LIPC: variants seen among roughly 807,000 people sequenced by gnomAD.
LIPC encodes hepatic triacylglycerol lipase.
Under a neutral mutation model 50.7 loss-of-function variants are expected in LIPC, and 44 were observed. The observed-to-expected ratio is 0.87, with a 90% CI of 0.68 to 1.11. The LOEUF (loss-of-function observed/expected upper bound fraction) is 1.11. Among genes scored for constraint, LIPC ranks in the 50% most tolerant of loss-of-function variants. LIPC has a pLI of 0.00. For synonymous variants in LIPC, 271 were observed against 256.4 expected (o/e 1.06, Z -0.54); for missense variants, 697 against 648.2 (o/e 1.08, Z -0.82).
chr15:58,434,320 T>G (rs1227160912), intron 1 of LIPC, among the ~76,000 whole-genome samples: 1 of 152,198 alleles, frequency 6.6e-6, no homozygotes, highest in East Asian at 1.9e-4. Context: ...CCTCCCAGCC[T>G]ACTTCTTTTG....
chr15:58,507,703 A>G (rs1424952419), intron 1 of LIPC, among the ~76,000 whole-genome samples: 1 of 152,202 alleles, frequency 6.6e-6, no homozygotes, highest in African/African-American at 2.4e-5. Flanking sequence ...GGCTAAGGGA[A>G]AGCTTCCCCT....
chr15:58,535,161 G>A (rs1239940425), intron 1 of LIPC, among the ~76,000 whole-genome samples: 1 of 152,164 alleles, frequency 6.6e-6, no homozygotes, highest in Non-Finnish European at 1.5e-5. Flanking sequence ...CCCCTACGCA[G>A]GGCATTCCTC....
At chr15:58,520,939 A>AGAAGGAC (rs1475105108) in intron 1 of LIPC, among the ~76,000 whole-genome samples, 2 of 152,220 alleles carry the variant, frequency 1.3e-5, no homozygotes, top group African/African-American at 4.8e-5. Flanking sequence ...GGGAGGAGGG[A>AGAAGGAC]GAAGGACACT....
At chr15:58,464,260 A>G (rs1894458850) in intron 1 of LIPC, among the ~76,000 whole-genome samples, 1 of 152,070 alleles carries the variant, frequency 6.6e-6, no homozygotes, top group South Asian at 2.1e-4. Flanking sequence ...CTGGTTTCCT[A>G]GGAGCAGTAC....
At chr15:58,530,474 A>G (rs970934719) in intron 1 of LIPC, among the ~76,000 whole-genome samples, 5 of 152,236 alleles carry the variant, frequency 3.3e-5, no homozygotes, top group Non-Finnish European at 4.4e-5. Flanking sequence ...ACTACCACAG[A>G]AGGCCTGCTG....
At chr15:58,491,205 A>C (rs1231555600) in intron 1 of LIPC, among the ~76,000 whole-genome samples, 1 of 152,128 alleles carries the variant, frequency 6.6e-6, no homozygotes, top group African/African-American at 2.4e-5. Flanking sequence ...AGACACTTAG[A>C]CTGGCCTTTC....
intron 1 of LIPC, among the ~76,000 whole-genome samples, chr15:58,496,206 A>T (rs192652482): frequency 6.6e-6 from 1 of 152,148 alleles, no homozygotes; most frequent in Non-Finnish European, 1.5e-5. Context: ...GCTGGAGAAG[A>T]GGATGTTACT....
intron 1 of LIPC, among the ~76,000 whole-genome samples, chr15:58,502,940 G>A (rs1370841808): frequency 2.3e-5 from 3 of 128,806 alleles, no homozygotes; most frequent in Admixed American, 1.8e-4. Flanking sequence ...GGTATTTGAG[G>A]TGCTGAAACA....
intron 1 of LIPC, among the ~76,000 whole-genome samples, chr15:58,484,089 C>T (rs529247847): frequency 2.0e-5 from 3 of 152,232 alleles, no homozygotes; most frequent in African/African-American, 7.2e-5. Context: ...AAAGGTTTGA[C>T]CCTCTGGCTC....
chr15:58,438,759 C>T (rs1026323341), intron 1 of LIPC, among the ~76,000 whole-genome samples: 1 of 152,220 alleles, frequency 6.6e-6, no homozygotes, highest in Non-Finnish European at 1.5e-5. Context: ...ATCTCAGCTG[C>T]TTCGGAGTTC....
chr15:58,550,465 A>T (rs1007542), intron 6 of LIPC, among the ~76,000 whole-genome samples: 1 of 152,190 alleles, frequency 6.6e-6, no homozygotes, highest in Non-Finnish European at 1.5e-5. Context: ...CGACCACCAT[A>T]CACTGCTGAT....
intron 6 of LIPC, among the ~76,000 whole-genome samples, chr15:58,557,070 T>A (rs1357642151): frequency 6.6e-6 from 1 of 152,172 alleles, no homozygotes; most frequent in African/African-American, 2.4e-5. Flanking sequence ...TTAACTGAAA[T>A]CTCTTTCCAC....
rs1198156713 is a variant in LIPC, at chr15:58,548,578, T to G, written c.1051+6T>G. The G allele has an allele frequency of 2.5e-5, 39 of 1,587,728 alleles. No individual in the cohort carries two copies. Among genetic ancestry groups the G allele is most frequent in the Non-Finnish European group, 3.3e-5 (39 of 1,168,334 alleles). On this transcript the variant is annotated splice_donor_region_variant and intron_variant, in intron 6 of 8. Coordinates refer to ENST00000299022, the MANE Select transcript of LIPC (RefSeq NM_000236.3). Reference sequence around the variant, plus strand: ...AGCCCAGTCCCCCTTCAAAGGTGAGTGTGGAGCTGGGGAGCCTTCAGAAGG... The same window carrying G: ...AGCCCAGTCCCCCTTCAAAGGTGAGGGTGGAGCTGGGGAGCCTTCAGAAGG...
At chr15:58,499,131 C>T (rs1973030) in intron 1 of LIPC, among the ~76,000 whole-genome samples, 46,241 of 151,740 alleles carry the variant, frequency 0.3, 7,127 homozygotes, top group Admixed American at 0.39. Context: ...TGGGGCAGGG[C>T]GAGAACACCA....
intron 8 of LIPC, among the ~76,000 whole-genome samples, chr15:58,567,319 A>ATGTGTGTG (rs745783290): frequency 1.2e-5 from 1 of 80,388 alleles, no homozygotes; most frequent in East Asian, 8.5e-4. Flanking sequence ...ATATATGTAT[A>ATGTGTGTG]TGTGTATATA....
At chr15:58,523,684 C>T (rs931388189) in intron 1 of LIPC, among the ~76,000 whole-genome samples, 6 of 151,958 alleles carry the variant, frequency 3.9e-5, no homozygotes, top group African/African-American at 1.5e-4. Flanking sequence ...TTTGGGAGCC[C>T]GAGGCAGGAG....
intron 1 of LIPC, among the ~76,000 whole-genome samples, chr15:58,472,624 C>A: frequency 6.6e-6 from 1 of 150,754 alleles, no homozygotes. Flanking sequence ...GGGCTCACAG[C>A]CTGTGGGAGA....
chr15:58,561,435 A>AC (rs1894158365), intron 7 of LIPC, among the ~76,000 whole-genome samples: 1 of 15,030 alleles, frequency 6.7e-5, no homozygotes, highest in Admixed American at 1.8e-3. Context: ...GAGTGTCGGG[A>AC]TTAGATAAGG....
intron 1 of LIPC, among the ~76,000 whole-genome samples, chr15:58,507,641 A>C (rs1261640252): frequency 6.6e-6 from 1 of 152,220 alleles, no homozygotes; most frequent in African/African-American, 2.4e-5. Context: ...GGAATACAGA[A>C]AGGGTAGCTG....
Sources: allele counts gnomAD v4.1 joint callset (sites outside exome capture counted in the v4.1 genomes callset), GRCh38; gene constraint gnomAD v4.1.1; transcripts MANE v1.5; gene names NCBI Gene and HGNC (gene_info 2026-07-23, HGNC 2026-07-21).